Variants in IGSF21 observed in about 807,000 individuals in gnomAD.
The protein encoded by IGSF21 is immunoglobulin superfamily member 21.
In IGSF21, 28 loss-of-function variants were observed where a neutral mutation model predicts 46.8. The observed-to-expected ratio is 0.60, with a 90% CI of 0.44 to 0.82. The LOEUF (loss-of-function observed/expected upper bound fraction) is 0.82. Ranked by LOEUF, IGSF21 falls within the 40% of genes least tolerant of loss-of-function variation. IGSF21 has a pLI of 0.00. For synonymous variants in IGSF21, 284 were observed against 273.6 expected (o/e 1.04, Z -0.38); for missense variants, 624 against 665.5 (o/e 0.94, Z 0.69).
chr1:18,165,591 G>A (rs2124450841), intron 1 of IGSF21, among the ~76,000 whole-genome samples: 1 of 152,242 alleles, frequency 6.6e-6, no homozygotes, highest in Non-Finnish European at 1.5e-5. Flanking sequence ...GTAAAGTAGA[G>A]GTTCTTCTTC....
chr1:18,314,633 C>T (rs370013040), intron 3 of IGSF21, among the ~76,000 whole-genome samples: 1 of 152,146 alleles, frequency 6.6e-6, no homozygotes, highest in African/African-American at 2.4e-5. Flanking sequence ...AGTGACTTGC[C>T]TGAGACCACA....
intron 2 of IGSF21, among the ~76,000 whole-genome samples, chr1:18,260,648 G>A (rs1478252582): frequency 1.3e-5 from 2 of 152,226 alleles, no homozygotes; most frequent in Non-Finnish European, 2.9e-5. Flanking sequence ...CATTGCCATG[G>A]AAGGGGGCAG....
At chr1:18,326,056 T>C (rs1265709507) in intron 3 of IGSF21, among the ~76,000 whole-genome samples, 2 of 152,016 alleles carry the variant, frequency 1.3e-5, no homozygotes, top group East Asian at 1.9e-4. Flanking sequence ...CCCTTTTTTT[T>C]CCAGGGAGTA....
At position 18,367,602 on chromosome 1, in the gene IGSF21, T is replaced by C. The variant is rs371231440; in HGVS notation, c.1015+1905T>C. Among the ~76,000 whole-genome samples the C allele has an allele frequency of 6.8e-4, 54 of 79,456 alleles. 1 individual carries two copies. The highest frequency in any genetic ancestry group is 2.7e-3 in the African/African-American group (53 of 19,494). 52.1% of individuals were successfully genotyped at this position (79,456 alleles called of 152,430 possible). A position where few individuals can be genotyped will look rare whatever the true frequency, so the allele number is the denominator to read the frequency against. ...GGACCTTTGATATTCTCTCTCTCTC[T>C]CTTTTTTTTTTTTTTTTTTTTTTGA... On this transcript the variant is annotated intron_variant, in intron 6 of 9. Transcript: ENST00000251296.
Position 18,362,010 on chromosome 1 carries a change from C to A in IGSF21, c.425-105C>A, listed in dbSNP as rs541342721. ...GAGTTTGGCAACACCTGCCCTCCCC[C>A]ACCCCCGGCACCCAGCATGGACGTG... On this transcript the variant is annotated intron_variant, in intron 4 of 9. Coordinates refer to ENST00000251296, the MANE Select transcript of IGSF21 (RefSeq NM_032880.5). 132 of 742,440 alleles carry A rather than the reference C, an allele frequency of 1.8e-4. 1 individual carries two copies. The highest frequency in any genetic ancestry group is 5.4e-4 in the Admixed American group (23 of 42,860). 46.0% of individuals were successfully genotyped at this position (742,440 alleles called of 1,614,324 possible). A position where few individuals can be genotyped will look rare whatever the true frequency, so the allele number is the denominator to read the frequency against.
intron 1 of IGSF21, among the ~76,000 whole-genome samples, chr1:18,116,794 T>C (rs1179158957): frequency 6.6e-6 from 1 of 151,918 alleles, no homozygotes; most frequent in Non-Finnish European, 1.5e-5. Flanking sequence ...TTAAAGGGAG[T>C]GGCCCAGGAA....
intron 1 of IGSF21, among the ~76,000 whole-genome samples, chr1:18,188,400 A>C (rs530196851): frequency 1.2e-4 from 18 of 152,300 alleles, no homozygotes; most frequent in African/African-American, 3.1e-4. Flanking sequence ...AGTGCATGCC[A>C]GTAAAATATG....
chr1:18,159,311 G>A (rs937287325), intron 1 of IGSF21, among the ~76,000 whole-genome samples: 4 of 152,156 alleles, frequency 2.6e-5, no homozygotes, highest in Admixed American at 6.5e-5. Context: ...GGAGGACTCC[G>A]AACAGGGGGC....
At chr1:18,311,672 C>A (rs2085489864) in intron 3 of IGSF21, among the ~76,000 whole-genome samples, 1 of 152,194 alleles carries the variant, frequency 6.6e-6, no homozygotes, top group Admixed American at 6.5e-5. Context: ...ACTCACAGTT[C>A]CACATGGCTG....
chr1:18,355,197 G>A lies in IGSF21; in HGVS notation c.425-6918G>A, dbSNP rs372839422. Among the ~76,000 whole-genome samples, 11 of 152,300 alleles carry A rather than the reference G, an allele frequency of 7.2e-5. No individual in the cohort carries two copies. The South Asian group carries it at 1.7e-3, about 23-fold the overall frequency. ...CTCTAGTACTCACAGTTTGACACAG[G>A]TTTGGGGCAGATTTCCCTCTCCAAC... On this transcript the variant is annotated intron_variant, in intron 4 of 9. Coordinates refer to ENST00000251296, the MANE Select transcript of IGSF21 (RefSeq NM_032880.5).
At chr1:18,142,180 T>G (rs2086420987) in intron 1 of IGSF21, among the ~76,000 whole-genome samples, 1 of 152,176 alleles carries the variant, frequency 6.6e-6, no homozygotes, top group Non-Finnish European at 1.5e-5. Context: ...AAGCACGTGC[T>G]TCTCTTTCTC....
intron 2 of IGSF21, among the ~76,000 whole-genome samples, chr1:18,246,327 C>A (rs970966381): frequency 2.6e-5 from 4 of 152,092 alleles, no homozygotes; most frequent in Non-Finnish European, 5.9e-5. Flanking sequence ...CCCCTTCCTG[C>A]CTATAGATTT....
intron 4 of IGSF21, among the ~76,000 whole-genome samples, chr1:18,353,901 G>A (rs575180234): frequency 6.6e-6 from 1 of 152,194 alleles, no homozygotes. Flanking sequence ...CCACAGATGG[G>A]CTATGTGCTT....
At chr1:18,272,533 G>A (rs555292801) in intron 2 of IGSF21, among the ~76,000 whole-genome samples, 5 of 152,312 alleles carry the variant, frequency 3.3e-5, no homozygotes, top group Non-Finnish European at 5.9e-5. Flanking sequence ...GGAAATGGTC[G>A]CACTTCCACT....
At chr1:18,148,427 C>T (rs80091963) in intron 1 of IGSF21, among the ~76,000 whole-genome samples, 5,956 of 152,254 alleles carry the variant, frequency 0.039, 320 homozygotes, top group African/African-American at 0.12. Context: ...CCACCATGCC[C>T]GGCCTCAAGT....
intron 1 of IGSF21, among the ~76,000 whole-genome samples, chr1:18,182,756 C>A (rs1026023601): frequency 6.6e-6 from 1 of 152,228 alleles, no homozygotes; most frequent in Non-Finnish European, 1.5e-5. Context: ...GCACTTCCCA[C>A]CCCTCGAGGG....
At chr1:18,270,283 G>C (rs1208855652) in intron 2 of IGSF21, among the ~76,000 whole-genome samples, 2 of 152,198 alleles carry the variant, frequency 1.3e-5, no homozygotes, top group African/African-American at 4.8e-5. Context: ...GGAGAGAACA[G>C]TTCTGAGATT....
At position 18,334,860 on chromosome 1, in the gene IGSF21, AG is replaced by A; in HGVS notation, c.306-29del. 6.5e-7 allele frequency: 1 copy of A among 1,532,688 alleles called. No homozygotes were observed. Among genetic ancestry groups the A allele is most frequent in the Non-Finnish European group, 9.0e-7 (1 of 1,106,464 alleles). The allele number at this position is 1,532,688 out of a possible 1,614,324, so 94.9% of individuals were successfully genotyped here. A position where few individuals can be genotyped will look rare whatever the true frequency, so the allele number is the denominator to read the frequency against. On this transcript the variant is annotated intron_variant, in intron 3 of 9. Transcript: ENST00000251296. This position sits in a 1 kb window ranked among gnomAD's most constrained non-coding sequence, Gnocchi z 4.3. ...GCTGCCTCACCCAGCCCCACGATGA[AG>A]GGCCCTCACCCTGTCTTCTGCCTCC...
At chr1:18,189,253 GA>G (rs1055630179) in intron 1 of IGSF21, among the ~76,000 whole-genome samples, 28 of 152,184 alleles carry the variant, frequency 1.8e-4, no homozygotes, top group Non-Finnish European at 2.6e-4. Flanking sequence ...GAAAGGAGCA[GA>G]AAACTAAATT....
Sources: gnomAD v4.1 joint callset for allele counts (sites outside exome capture counted in the v4.1 genomes callset) on GRCh38, gnomAD v4.1.1 for gene constraint, Gnocchi (gnomAD v3.1) non-coding constraint, MANE v1.5 for transcripts, NCBI Gene and HGNC (gene_info 2026-07-23, HGNC 2026-07-21) for gene names.